Variants in GLI3 observed in about 807,000 individuals in gnomAD.
GLI3 encodes GLI family zinc finger 3, also known as transcription activator GLI3.
GLI3 carries 20 observed loss-of-function variants against 100.8 expected under a neutral mutation model. The ratio of observed to expected loss-of-function variants is 0.20; its 90% CI spans 0.14 to 0.29. The LOEUF is 0.29. Among genes scored for constraint, GLI3 ranks in the 10% least tolerant of loss-of-function variants. The pLI, the probability that GLI3 is intolerant of heterozygous loss-of-function variation, is 1.00. For synonymous variants in GLI3, 938 were observed against 860.5 expected (o/e 1.09, Z -1.58); for missense variants, 2,040 against 2,128.5 (o/e 0.96, Z 0.82).
chr7:42,156,763 T>C (rs1787013579), intron 2 of GLI3, among the ~76,000 whole-genome samples: 1 of 152,206 alleles, frequency 6.6e-6, no homozygotes, highest in Non-Finnish European at 1.5e-5. Flanking sequence ...TAAACCTCTG[T>C]GTGCAGCAGC....
chr7:42,229,554 G>T (rs983292183), intron 1 of GLI3, among the ~76,000 whole-genome samples: 1 of 152,160 alleles, frequency 6.6e-6, no homozygotes, highest in Non-Finnish European at 1.5e-5. Flanking sequence ...TAAATATCCA[G>T]AAGAAAGCAG....
intron 3 of GLI3, among the ~76,000 whole-genome samples, chr7:42,139,291 G>A (rs1430002762): frequency 1.3e-5 from 2 of 151,966 alleles, no homozygotes. Flanking sequence ...TTTGTACTTT[G>A]TGATCAAGAT....
At chr7:42,028,626 T>C (rs766731468) in intron 7 of GLI3, among the ~76,000 whole-genome samples, 5 of 151,982 alleles carry the variant, frequency 3.3e-5, no homozygotes, top group Non-Finnish European at 7.4e-5. Context: ...TAGCCAGGCG[T>C]GATGGCATGC....
chr7:41,965,626 G>T lies in GLI3; in HGVS notation c.3447C>A (p.Pro1149=). 2 of 1,611,148 alleles carry T rather than the reference G, an allele frequency of 1.2e-6. No homozygotes were observed. The highest frequency in any genetic ancestry group is 1.1e-5 in the South Asian group (1 of 90,988). The stretch of plus-strand genomic sequence containing the variant: ...GGTCGGTTTTGCTGCCCTCGGGGCA[G>T]GGCTGCTCGAGGGCATGGAACTGCT... ...AGQQFHALEQ[P]CPEGSKTDLP... is the part of the protein sequence containing the mutation. The change falls in exon 15 of 15, where the codon CCC becomes CCA. Residue 1149 remains proline (P), a synonymous_variant. Transcript: ENST00000395925.
intron 2 of GLI3, among the ~76,000 whole-genome samples, chr7:42,204,894 T>A (rs1788118571): frequency 6.6e-6 from 1 of 151,982 alleles, no homozygotes; most frequent in Non-Finnish European, 1.5e-5. Context: ...GCTGGCAAAT[T>A]TTCTGTACTT....
intron 10 of GLI3, among the ~76,000 whole-genome samples, chr7:42,012,123 G>A (rs750449844): frequency 6.6e-6 from 1 of 152,108 alleles, no homozygotes; most frequent in African/African-American, 2.4e-5. Context: ...AAAAAGAAAC[G>A]ACTTGATGCA....
At chr7:42,054,693 T>A (rs534876369) in intron 4 of GLI3, among the ~76,000 whole-genome samples, 1 of 152,144 alleles carries the variant, frequency 6.6e-6, no homozygotes, top group African/African-American at 2.4e-5. Context: ...TAAGAAAAAA[T>A]TTGCTTTTGT....
intron 10 of GLI3, among the ~76,000 whole-genome samples, chr7:42,007,818 A>T (rs1788499021): frequency 6.6e-6 from 1 of 152,208 alleles, no homozygotes; most frequent in Non-Finnish European, 1.5e-5. Flanking sequence ...ACCCCATGTC[A>T]GTTACCTGAG....
chr7:42,092,366 G>A (rs948573438), intron 3 of GLI3, among the ~76,000 whole-genome samples: 1 of 152,120 alleles, frequency 6.6e-6, no homozygotes, highest in Non-Finnish European at 1.5e-5. Flanking sequence ...AAACACACAG[G>A]CTGGAGCAGC....
chr7:42,118,665 G>A (rs936453026), intron 3 of GLI3, among the ~76,000 whole-genome samples: 2 of 152,146 alleles, frequency 1.3e-5, no homozygotes, highest in Non-Finnish European at 2.9e-5. Context: ...CCAGAATGAC[G>A]TGATCATCTT....
chr7:42,041,109 A>G (rs1369674357), intron 6 of GLI3, among the ~76,000 whole-genome samples: 2 of 152,220 alleles, frequency 1.3e-5, no homozygotes, highest in Non-Finnish European at 2.9e-5. Flanking sequence ...AGAAACCCTT[A>G]CGAGCATGAT....
intron 3 of GLI3, chr7:42,113,688 T>C (rs1438681980): frequency 8.2e-6 from 6 of 729,902 alleles, no homozygotes; most frequent in Non-Finnish European, 1.5e-5. Context: ...CTATTTTTTA[T>C]CAAGTTTTAT....
At chr7:42,262,225 T>TTCCTTCCTTCCTTCCTTCCTTCCTTCC (rs1789151410) in intron 1 of GLI3, among the ~76,000 whole-genome samples, 1 of 118,786 alleles carries the variant, frequency 8.4e-6, no homozygotes, top group African/African-American at 3.4e-5. Context: ...TCCTTCCTTC[T>TTCCTTCCTTCCTTCCTTCCTTCCTTCC]TTCCTTCCTT....
At chr7:42,043,846 A>C (rs1784191219) in intron 6 of GLI3, among the ~76,000 whole-genome samples, 1 of 152,210 alleles carries the variant, frequency 6.6e-6, no homozygotes, top group Non-Finnish European at 1.5e-5. Context: ...TTATTTGCAG[A>C]TTTTAAATAA....
In GLI3 at chr7:42,113,349, C is replaced by T. The variant is rs747720128; in HGVS notation, c.367+34877G>A. 22 of 653,934 alleles carry T rather than the reference C, an allele frequency of 3.4e-5. No individual in the cohort carries two copies. In the Middle Eastern group the frequency reaches 1.7e-3, roughly 50 times the overall value. The allele number at this position is 653,934 out of a possible 1,614,324, so 40.5% of individuals were successfully genotyped here. On this transcript the variant is annotated intron_variant, in intron 3 of 14. Transcript: ENST00000395925. ...CCTGTGCCCAGCACCTACGTCCCGT[C>T]GCTGTTGTTGCCAGCATGCCCAAGA...
intron 4 of GLI3, among the ~76,000 whole-genome samples, chr7:42,055,732 A>G (rs1447740575): frequency 6.6e-6 from 1 of 152,172 alleles, no homozygotes; most frequent in Non-Finnish European, 1.5e-5. Context: ...TCATCTTTGT[A>G]GCTATGAAAT....
chr7:42,053,029 T>C (rs762627375), intron 4 of GLI3, among the ~76,000 whole-genome samples: 42 of 152,206 alleles, frequency 2.8e-4, no homozygotes, highest in African/African-American at 6.5e-4. Context: ...AGTTTCACTC[T>C]TGTTGCCCGG....
intron 1 of GLI3, among the ~76,000 whole-genome samples, chr7:42,243,896 C>T (rs1209495922): frequency 1.3e-5 from 2 of 152,112 alleles, no homozygotes; most frequent in Non-Finnish European, 2.9e-5. Context: ...GGTAGTGGTG[C>T]AATCTCCACT....
intron 3 of GLI3, among the ~76,000 whole-genome samples, chr7:42,117,316 C>T (rs913600025): frequency 5.3e-5 from 8 of 152,172 alleles, no homozygotes; most frequent in African/African-American, 1.7e-4. Flanking sequence ...TTTTCATTCG[C>T]ACCACCTAGG....
Sources: allele counts gnomAD v4.1 joint callset (sites outside exome capture counted in the v4.1 genomes callset), GRCh38; gene constraint gnomAD v4.1.1; transcripts MANE v1.5; gene names NCBI Gene and HGNC (gene_info 2026-07-23, HGNC 2026-07-21).